Variants in TMEM163 observed in about 807,000 individuals in gnomAD.
TMEM163 encodes the protein transmembrane protein 163.
In TMEM163, 17 loss-of-function variants were observed where a neutral mutation model predicts 29.3. That is an observed-to-expected ratio of 0.58 (90% CI 0.40 to 0.87). TMEM163 has a LOEUF of 0.87. TMEM163 is among the 40% of genes least tolerant of loss of function. The pLI is 0.00. For missense variants in TMEM163, 303 were observed against 381.5 expected (o/e 0.79, Z 1.71); for synonymous variants, 157 against 160.6 (o/e 0.98, Z 0.17).
chr2:134,464,577 G>A (rs894982131), intron 6 of TMEM163, among the ~76,000 whole-genome samples: 1 of 152,154 alleles, frequency 6.6e-6, no homozygotes, highest in African/African-American at 2.4e-5. Flanking sequence ...CACGGGTGAT[G>A]CTCTTCCGAG....
At chr2:134,613,920 T>TTTATTTATTTA (rs1558965055) in intron 2 of TMEM163, among the ~76,000 whole-genome samples, 1 of 152,118 alleles carries the variant, frequency 6.6e-6, no homozygotes, top group Non-Finnish European at 1.5e-5. Context: ...TATTTATAGG[T>TTTATTTATTTA]CTAATTCAGT....
At chr2:134,597,032 C>G (rs1475932798) in intron 2 of TMEM163, among the ~76,000 whole-genome samples, 1 of 152,148 alleles carries the variant, frequency 6.6e-6, no homozygotes, top group East Asian at 1.9e-4. Context: ...ACGGGGTTTT[C>G]TAGATATACA....
chr2:134,602,875 G>A (rs1223756639), intron 2 of TMEM163, among the ~76,000 whole-genome samples: 1 of 151,956 alleles, frequency 6.6e-6, no homozygotes, highest in Non-Finnish European at 1.5e-5. Flanking sequence ...GATCCCATTG[G>A]CTCTCAAAGC....
intron 5 of TMEM163, among the ~76,000 whole-genome samples, chr2:134,493,575 C>T (rs909424813): frequency 1.3e-5 from 2 of 151,850 alleles, no homozygotes; most frequent in South Asian, 2.1e-4. Context: ...GGTTTCACCA[C>T]GTTGGCCAGG....
chr2:134,597,692 C>A (rs542609076), intron 2 of TMEM163, among the ~76,000 whole-genome samples: 50 of 152,296 alleles, frequency 3.3e-4, no homozygotes, highest in Admixed American at 1.1e-3. Flanking sequence ...AGGAATGGTA[C>A]CAGCTCCTCT....
At chr2:134,527,471 G>A (rs1680321011) in intron 4 of TMEM163, among the ~76,000 whole-genome samples, 3 of 152,164 alleles carry the variant, frequency 2.0e-5, no homozygotes, top group Non-Finnish European at 4.4e-5. Flanking sequence ...AAAAAAAACA[G>A]CCCCAGATCC....
intron 2 of TMEM163, among the ~76,000 whole-genome samples, chr2:134,630,240 C>T (rs983211769): frequency 6.6e-6 from 1 of 151,632 alleles, no homozygotes; most frequent in Admixed American, 6.6e-5. Context: ...ACACAAGAAC[C>T]CAACGAGACA....
chr2:134,495,367 C>T (rs576874571), intron 5 of TMEM163, among the ~76,000 whole-genome samples: 63 of 152,320 alleles, frequency 4.1e-4, no homozygotes, highest in Admixed American at 1.4e-3. Flanking sequence ...GGACAAATGG[C>T]ACGCTGTACT....
At chr2:134,716,929 C>T (rs1685050779) in intron 1 of TMEM163, among the ~76,000 whole-genome samples, 1 of 152,186 alleles carries the variant, frequency 6.6e-6, no homozygotes, top group Admixed American at 6.5e-5. Context: ...TAGGGTTCAT[C>T]CTAACAGAGA....
intron 2 of TMEM163, among the ~76,000 whole-genome samples, chr2:134,672,067 A>T (rs1219361184): frequency 1.3e-5 from 2 of 152,206 alleles, no homozygotes; most frequent in African/African-American, 4.8e-5. Flanking sequence ...TGATGCAATG[A>T]TAAGATGGTA....
chr2:134,581,636 G>T (rs1397086682), intron 2 of TMEM163, among the ~76,000 whole-genome samples: 4 of 151,936 alleles, frequency 2.6e-5, no homozygotes, highest in African/African-American at 9.7e-5. Flanking sequence ...TATGGGGGCG[G>T]GGGGGAGATG....
intron 2 of TMEM163, among the ~76,000 whole-genome samples, chr2:134,693,721 T>A (rs952859265): frequency 3.9e-5 from 6 of 152,038 alleles, no homozygotes; most frequent in Non-Finnish European, 8.8e-5. Context: ...TCCATACCTG[T>A]CAGATAGCAG....
At chr2:134,561,204 A>C (rs565713516) in intron 2 of TMEM163, among the ~76,000 whole-genome samples, 49 of 152,232 alleles carry the variant, frequency 3.2e-4, no homozygotes, top group Admixed American at 6.5e-4. Context: ...TTTTATTATT[A>C]TTATTTTTGT....
chr2:134,693,949 G>A (rs1684528327), intron 2 of TMEM163, among the ~76,000 whole-genome samples: 1 of 152,262 alleles, frequency 6.6e-6, no homozygotes. Flanking sequence ...CAATGGAGAT[G>A]GGTCCCATGG....
intron 4 of TMEM163, among the ~76,000 whole-genome samples, chr2:134,535,611 A>G (rs575904559): frequency 6.6e-6 from 1 of 152,326 alleles, no homozygotes; most frequent in East Asian, 1.9e-4. Context: ...AGACCTGCCT[A>G]TAGTTAACAA....
chr2:134,700,031 G>A (rs1558996453), intron 2 of TMEM163, among the ~76,000 whole-genome samples: 1 of 151,788 alleles, frequency 6.6e-6, no homozygotes, highest in Non-Finnish European at 1.5e-5. Context: ...ACAGCATACA[G>A]CTTGATTTTT....
chr2:134,507,102 C>T (rs553784942), intron 4 of TMEM163, among the ~76,000 whole-genome samples: 6 of 152,122 alleles, frequency 3.9e-5, no homozygotes, highest in South Asian at 2.1e-4. Context: ...TTTGGGAGGC[C>T]GAGGTGGGTG....
intron 2 of TMEM163, among the ~76,000 whole-genome samples, chr2:134,684,956 A>T (rs988174367): frequency 3.3e-5 from 5 of 151,714 alleles, no homozygotes; most frequent in Non-Finnish European, 7.4e-5. Context: ...AGCAGAATGA[A>T]TTAGCTCCCA....
chr2:134,686,524 G>A (rs1307369423), intron 2 of TMEM163, among the ~76,000 whole-genome samples: 2 of 152,136 alleles, frequency 1.3e-5, no homozygotes, highest in African/African-American at 4.8e-5. Flanking sequence ...CTTGACCAGA[G>A]TAAAAGAAAA....
Sources: allele counts gnomAD v4.1 joint callset (sites outside exome capture counted in the v4.1 genomes callset), GRCh38; gene constraint gnomAD v4.1.1; transcripts MANE v1.5; gene names NCBI Gene and HGNC (gene_info 2026-07-23, HGNC 2026-07-21).